Variants in THSD4 observed in about 807,000 individuals in gnomAD.
THSD4 encodes the protein thrombospondin type 1 domain containing 4, also known as thrombospondin type-1 domain-containing protein 4.
THSD4 carries 69 observed loss-of-function variants against 119.0 expected under a neutral mutation model. The observed-to-expected ratio is 0.58, with a 90% CI of 0.48 to 0.71. The LOEUF (loss-of-function observed/expected upper bound fraction) is 0.71. THSD4 is among the 30% of genes least tolerant of loss of function. The pLI is 0.00. For synonymous variants in THSD4, 524 were observed against 540.4 expected (o/e 0.97, Z 0.42); for missense variants, 1,393 against 1,391.1 (o/e 1.00, Z -0.02).
At chr15:71,299,960 CAAAAAA>C (rs141320911) in intron 6 of THSD4, among the ~76,000 whole-genome samples, 1,294 of 109,016 alleles carry the variant, frequency 0.012, 37 homozygotes, top group African/African-American at 0.041. Context: ...CTGTCTCTAC[CAAAAAA>C]AAAAAAAAAA....
At chr15:71,226,941 T>G (rs2044022282) in intron 4 of THSD4, among the ~76,000 whole-genome samples, 1 of 152,242 alleles carries the variant, frequency 6.6e-6, no homozygotes, top group African/African-American at 2.4e-5. Context: ...TTTTTTACCT[T>G]CTGAAGCAGG....
intron 7 of THSD4, among the ~76,000 whole-genome samples, chr15:71,544,803 T>A (rs930392025): frequency 1.3e-5 from 2 of 152,244 alleles, no homozygotes; most frequent in Non-Finnish European, 2.9e-5. Context: ...GGTATATCCA[T>A]ACAATGGATA....
intron 6 of THSD4, among the ~76,000 whole-genome samples, chr15:71,396,720 C>T (rs11632070): frequency 0.25 from 38,079 of 152,116 alleles, 5,206 homozygotes; most frequent in East Asian, 0.54. Flanking sequence ...ACTGGCAGAA[C>T]CCCTTTCCAA....
intron 6 of THSD4, among the ~76,000 whole-genome samples, chr15:71,364,572 T>G (rs535181760): frequency 6.6e-6 from 1 of 152,300 alleles, no homozygotes; most frequent in East Asian, 1.9e-4. Context: ...AATACTAATT[T>G]CCCCTTAGGG....
Position 71,256,658 on chromosome 15 carries a change from T to C in THSD4, c.958T>C (p.Ser320Pro). ...SRSIREVQCASYNNKPFMGRF... is the reference protein window; with the variant it reads ...SRSIREVQCAPYNNKPFMGRF... ...AAGTATCCGGGAGGTACAGTGTGCA[T>C]CCTACAACAACAAGCCATTCATGGG... Residue 320 changes from serine (S) to proline (P), a missense_variant, in exon 6 of 18, where the codon TCC becomes CCC. Transcript: ENST00000261862. 3 of 1,614,066 alleles carry C rather than the reference T, an allele frequency of 1.9e-6. No individual in the cohort carries two copies. The highest frequency in any genetic ancestry group is 2.5e-6 in the Non-Finnish European group (3 of 1,179,968).
At chr15:71,186,603 C>T (rs2043606439) in intron 3 of THSD4, 1 of 152,260 alleles carries the variant, frequency 6.6e-6, no homozygotes, top group Non-Finnish European at 1.5e-5. Flanking sequence ...AGTTCTTAGT[C>T]TTCCAAGCTG....
At chr15:71,304,125 C>A (rs969399686) in intron 6 of THSD4, among the ~76,000 whole-genome samples, 1 of 152,182 alleles carries the variant, frequency 6.6e-6, no homozygotes, top group Non-Finnish European at 1.5e-5. Context: ...ATCCCAGATA[C>A]CACCAGGAGG....
chr15:71,333,196 A>AT (rs2045449384), intron 6 of THSD4, among the ~76,000 whole-genome samples: 1 of 152,122 alleles, frequency 6.6e-6, no homozygotes, highest in Non-Finnish European at 1.5e-5. Flanking sequence ...CATTGCAGGC[A>AT]TTAGCAGCTC....
chr15:71,504,950 A>G (rs78767891), intron 7 of THSD4, among the ~76,000 whole-genome samples: 187 of 152,292 alleles, frequency 1.2e-3, no homozygotes, highest in Non-Finnish European at 2.3e-3. Context: ...TTTGAAGAGC[A>G]TGGTCAGGTG....
chr15:71,520,009 A>G, intron 7 of THSD4, among the ~76,000 whole-genome samples: 1 of 152,186 alleles, frequency 6.6e-6, no homozygotes, highest in African/African-American at 2.4e-5. Flanking sequence ...TTTATTGAAC[A>G]TGTACTGTCT....
chr15:71,541,993 G>A (rs1167037374), intron 7 of THSD4, among the ~76,000 whole-genome samples: 1 of 152,200 alleles, frequency 6.6e-6, no homozygotes, highest in Non-Finnish European at 1.5e-5. Context: ...GTCATATGAA[G>A]GGATTTGGAC....
chr15:71,487,684 A>G (rs1254823189), intron 7 of THSD4, among the ~76,000 whole-genome samples: 1 of 152,218 alleles, frequency 6.6e-6, no homozygotes, highest in South Asian at 2.1e-4. Context: ...TGTTGTTCAA[A>G]TGTTTGTTGA....
intron 6 of THSD4, among the ~76,000 whole-genome samples, chr15:71,353,396 G>C (rs2045768775): frequency 6.6e-6 from 1 of 152,178 alleles, no homozygotes; most frequent in African/African-American, 2.4e-5. Flanking sequence ...ACCATCATGT[G>C]ATTCAGCTTT....
chr15:71,635,112 C>T (rs1402021084), intron 7 of THSD4, among the ~76,000 whole-genome samples: 1 of 152,166 alleles, frequency 6.6e-6, no homozygotes, highest in African/African-American at 2.4e-5. Context: ...ATGCACTGCC[C>T]ATTAATTAAG....
chr15:71,190,999 CT>C (rs2043667012), intron 3 of THSD4, among the ~76,000 whole-genome samples: 1 of 152,192 alleles, frequency 6.6e-6, no homozygotes, highest in Non-Finnish European at 1.5e-5. Context: ...CCAACACACC[CT>C]AAACAGCAAT....
chr15:71,199,571 GT>G (rs1242110495), intron 3 of THSD4, among the ~76,000 whole-genome samples: 35 of 143,140 alleles, frequency 2.4e-4, no homozygotes, highest in African/African-American at 9.0e-4. Flanking sequence ...TGGTGTGTGT[GT>G]AGTGTGTGTG....
chr15:71,110,249 T>C (rs2141343524), intron 1 of THSD4: 1 of 152,330 alleles, frequency 6.6e-6, no homozygotes, highest in South Asian at 2.1e-4. Context: ...GGATATTCTT[T>C]CAGAATGATG....
intron 6 of THSD4, among the ~76,000 whole-genome samples, chr15:71,409,602 G>A (rs995172885): frequency 2.6e-5 from 4 of 152,172 alleles, no homozygotes; most frequent in Non-Finnish European, 5.9e-5. Context: ...AAAGAAACCA[G>A]GTCTCTTGAC....
intron 6 of THSD4, among the ~76,000 whole-genome samples, chr15:71,364,803 G>A (rs772522978): frequency 1.7e-4 from 26 of 152,328 alleles, no homozygotes; most frequent in Non-Finnish European, 2.5e-4. Context: ...AGGGGCACAC[G>A]TTGTGGTCAA....
Sources: allele counts gnomAD v4.1 joint callset (sites outside exome capture counted in the v4.1 genomes callset), GRCh38; gene constraint gnomAD v4.1.1; transcripts MANE v1.5; gene names NCBI Gene and HGNC (gene_info 2026-07-23, HGNC 2026-07-21).